Variants in ANO2 observed in about 807,000 individuals in gnomAD.
The protein encoded by ANO2 is anoctamin-2.
A neutral mutation model predicts 124.2 loss-of-function variants in ANO2; 101 were observed. That is an observed-to-expected ratio of 0.81 (90% CI 0.69 to 0.96). The LOEUF is 0.96. Ranked by LOEUF, ANO2 falls within the 40% of genes least tolerant of loss-of-function variation. The pLI is 0.00. For missense variants in ANO2, 1,293 were observed against 1,274.5 expected, an observed-to-expected ratio of 1.01 and a Z score of -0.22; for synonymous variants, 486 against 482.5, an observed-to-expected ratio of 1.01 and a Z score of -0.09.
At chr12:5,779,743 G>A (rs1308209651) in intron 10 of ANO2, among the ~76,000 whole-genome samples, 2 of 152,190 alleles carry the variant, frequency 1.3e-5, no homozygotes, top group African/African-American at 4.8e-5. Context: ...ACTTATGTAG[G>A]TGTCTTGCTA....
At chr12:5,676,398 A>G (rs939215437) in intron 14 of ANO2, among the ~76,000 whole-genome samples, 3 of 152,204 alleles carry the variant, frequency 2.0e-5, no homozygotes, top group Non-Finnish European at 4.4e-5. Context: ...CCAAAACGCC[A>G]GGCTAAGTAT....
At chr12:5,815,186 C>T (rs543889937) in intron 7 of ANO2, among the ~76,000 whole-genome samples, 58 of 152,298 alleles carry the variant, frequency 3.8e-4, no homozygotes, top group African/African-American at 1.3e-3. Context: ...CCCTTTTCCA[C>T]AGCAGAATCC....
intron 20 of ANO2, chr12:5,584,090 C>A: frequency 4.1e-6 from 1 of 244,704 alleles, no homozygotes. Context: ...ACAAATAAGC[C>A]ATTCTCTTGG....
chr12:5,828,083 T>C (rs545397599), intron 6 of ANO2, among the ~76,000 whole-genome samples: 3 of 152,164 alleles, frequency 2.0e-5, no homozygotes, highest in East Asian at 3.9e-4. Context: ...AATAAAAGGC[T>C]AGAAATGGAC....
rs1353681519 is a variant in ANO2, at chr12:5,735,019, G to A, written c.1435-2389C>T. Among the ~76,000 whole-genome samples, 4 of 152,180 alleles carry A rather than the reference G, an allele frequency of 2.6e-5. No individual in the cohort carries two copies. The East Asian group carries it at 7.7e-4, about 29-fold the overall frequency. ...AGACAAGAATCCGAAACTCAAAGAAGAGACAGGCTGCGCTGCACTCAGCTG... is the reference window on the plus strand; with the variant it reads ...AGACAAGAATCCGAAACTCAAAGAAAAGACAGGCTGCGCTGCACTCAGCTG... On this transcript the variant is annotated intron_variant, in intron 13 of 24. Transcript: ENST00000682330.
At chr12:5,704,577 A>T (rs1008506260) in intron 14 of ANO2, among the ~76,000 whole-genome samples, 7 of 152,118 alleles carry the variant, frequency 4.6e-5, no homozygotes, top group Admixed American at 1.3e-4. Flanking sequence ...TTTGACAGTT[A>T]AAAAAGTTCT....
Position 5,730,396 on chromosome 12 carries a change from G to A in ANO2, c.1545+2124C>T, listed in dbSNP as rs569300610. On this transcript the variant is annotated intron_variant, in intron 14 of 24. Coordinates refer to ENST00000682330, the MANE Select transcript of ANO2 (RefSeq NM_001364791.2). ...CAGCTACGTGGTCTTAAGCAAATTC[G>A]CGCACCACTCTGGGCCTCAGTAAAT... Among the ~76,000 whole-genome samples the A allele has an allele frequency of 5.9e-5, 9 of 152,244 alleles. No homozygotes were observed. In the South Asian group the frequency reaches 6.2e-4, roughly 11 times the overall value.
rs1318820942 is a variant in ANO2 at position 5,769,861 on chromosome 12, GC to G, written c.1056-18892del. Among the ~76,000 whole-genome samples the G allele has an allele frequency of 3.3e-5, 5 of 152,104 alleles. No individual in the cohort carries two copies. The highest frequency in any genetic ancestry group is 1.2e-4 in the African/African-American group (5 of 41,416). ...GTCCTTTCCCTGGGTATTATACACA[GC>G]CCCACCTAAGGGCAGAAAGCGTGGA... On this transcript the variant is annotated intron_variant, in intron 10 of 24. Coordinates refer to ENST00000682330, the MANE Select transcript of ANO2 (RefSeq NM_001364791.2). The surrounding 1 kb of genome is among the most constrained non-coding windows in gnomAD (Gnocchi z 4.0).
intron 14 of ANO2, among the ~76,000 whole-genome samples, chr12:5,666,394 A>G (rs936637759): frequency 3.3e-5 from 5 of 152,156 alleles, no homozygotes; most frequent in African/African-American, 4.8e-5. Flanking sequence ...AAAGGGGGCC[A>G]CCCTTGTGTC....
At chr12:5,565,119 T>G (rs893334442) in intron 24 of ANO2, among the ~76,000 whole-genome samples, 1 of 152,112 alleles carries the variant, frequency 6.6e-6, no homozygotes, top group Non-Finnish European at 1.5e-5. Flanking sequence ...TCTCAGTGGC[T>G]AAAACAACAC....
chr12:5,870,201 G>C (rs1955534229), intron 3 of ANO2: 1 of 152,270 alleles, frequency 6.6e-6, no homozygotes, highest in Non-Finnish European at 1.5e-5. Flanking sequence ...GTGCATGGCA[G>C]GTTCATTACA....
chr12:5,907,571 CT>C (rs1391611797), intron 3 of ANO2, among the ~76,000 whole-genome samples: 1 of 152,104 alleles, frequency 6.6e-6, no homozygotes, highest in Non-Finnish European at 1.5e-5. Flanking sequence ...GCCTAATCCA[CT>C]CATCAAGCAG....
At chr12:5,820,707 G>T (rs567862610) in intron 7 of ANO2, among the ~76,000 whole-genome samples, 49 of 152,226 alleles carry the variant, frequency 3.2e-4, no homozygotes, top group South Asian at 1.5e-3. Flanking sequence ...GAAAGACACA[G>T]GGGTGGTGAT....
intron 7 of ANO2, among the ~76,000 whole-genome samples, chr12:5,810,804 TC>T: frequency 6.6e-6 from 1 of 152,220 alleles, no homozygotes; most frequent in Middle Eastern, 3.4e-3. Flanking sequence ...GACTCATGTT[TC>T]CTCCCTGCCC....
chr12:5,563,460 G>A lies in ANO2; in HGVS notation c.2836C>T (p.Leu946=). The A allele has an allele frequency of 6.2e-7, 1 of 1,613,870 alleles. No homozygotes were observed. The highest frequency in any genetic ancestry group is 8.5e-7 in the Non-Finnish European group (1 of 1,179,864). ...TTGAGCTTCTCATGCTCCTCTTTCA[G>A]GAAGAAATCCACTAATAAGCTCTTC... ...KEKSLLVDFF[L]KEEHEKLKLM... The change falls in exon 25 of 25, where the codon CTG becomes TTG. Residue 946 remains leucine (L), a synonymous_variant. Coordinates refer to ENST00000682330, the MANE Select transcript of ANO2 (RefSeq NM_001364791.2).
chr12:5,755,477 A>G (rs571074003), intron 10 of ANO2, among the ~76,000 whole-genome samples: 1 of 151,956 alleles, frequency 6.6e-6, no homozygotes, highest in African/African-American at 2.4e-5. Flanking sequence ...ACGTATGTAT[A>G]CATGTGCCAT....
At chr12:5,891,232 CA>C (rs778602008) in intron 3 of ANO2, among the ~76,000 whole-genome samples, 41 of 152,174 alleles carry the variant, frequency 2.7e-4, no homozygotes, top group Admixed American at 2.0e-4. Context: ...AAAAGAAAGT[CA>C]TCTCTTAACA....
chr12:5,751,057 GTCAACATAGATATTCATTCC>G (rs1216580658), intron 10 of ANO2, 87 bp from the exon 11 acceptor site: 8 of 1,317,832 alleles, frequency 6.1e-6, no homozygotes, highest in Non-Finnish European at 8.2e-6. Flanking sequence ...CTAAGGGTGG[GTCAACATAGATATTCATTCC>G]TCTTGTGACG....
intron 3 of ANO2, among the ~76,000 whole-genome samples, 168 bp downstream of exon 3, chr12:5,920,872 A>T (rs998150140): frequency 1.3e-5 from 2 of 152,144 alleles, no homozygotes; most frequent in Non-Finnish European, 1.5e-5. Context: ...GTCTCAAAAA[A>T]AATTTTTTTT....
Sources: gnomAD v4.1 joint callset for allele counts (sites outside exome capture counted in the v4.1 genomes callset) on GRCh38, gnomAD v4.1.1 for gene constraint, Gnocchi (gnomAD v3.1) non-coding constraint, MANE v1.5 for transcripts, NCBI Gene and HGNC (gene_info 2026-07-23, HGNC 2026-07-21) for gene names.